NELL2: variants seen among roughly 807,000 people sequenced by gnomAD.
The protein encoded by NELL2 is neural EGFL like 2, also known as protein kinase C-binding protein NELL2.
A neutral mutation model predicts 109.6 loss-of-function variants in NELL2; 41 were observed. That is an observed-to-expected ratio of 0.37 (90% confidence interval 0.29 to 0.49). The LOEUF (loss-of-function observed/expected upper bound fraction) is 0.49. NELL2 is among the 20% of genes least tolerant of loss of function. The probability of loss-of-function intolerance (pLI) is 0.98; values close to 1 mark genes in which losing one functional copy is unlikely to be tolerated. For missense variants in NELL2, 900 were observed against 1,008.3 expected (o/e 0.89, Z 1.45); for synonymous variants, 355 against 344.7 (o/e 1.03, Z -0.33).
intron 15 of NELL2, among the ~76,000 whole-genome samples, chr12:44,569,893 A>C (rs1943798948): frequency 6.6e-6 from 1 of 152,196 alleles, no homozygotes; most frequent in African/African-American, 2.4e-5. Context: ...TACAATTTCC[A>C]GCCAGGGATT....
intron 15 of NELL2, among the ~76,000 whole-genome samples, chr12:44,535,168 G>A (rs1450020900): frequency 6.6e-6 from 1 of 151,874 alleles, no homozygotes; most frequent in South Asian, 2.1e-4. Context: ...TAAACTTTGG[G>A]CATTATCTTA....
intron 1 of NELL2, among the ~76,000 whole-genome samples, chr12:44,895,248 C>G (rs73089000): frequency 7.2e-4 from 109 of 152,250 alleles, no homozygotes; most frequent in Non-Finnish European, 1.5e-3. Context: ...GAGTGAGCAT[C>G]AGCTCTGGTC....
At chr12:44,511,131 C>A (rs561140965) in intron 19 of NELL2, among the ~76,000 whole-genome samples, 1 of 152,296 alleles carries the variant, frequency 6.6e-6, no homozygotes, top group South Asian at 2.1e-4. Context: ...TTTCTAAAAT[C>A]TTCCAGGAGT....
At chr12:44,861,533 G>A (rs978992643) in intron 2 of NELL2, among the ~76,000 whole-genome samples, 1 of 152,188 alleles carries the variant, frequency 6.6e-6, no homozygotes, top group African/African-American at 2.4e-5. Context: ...CCAGAAACAA[G>A]CAGCTGCAGC....
chr12:44,799,228 G>T lies in NELL2; in HGVS notation c.335+16758C>A, dbSNP rs569640847. Among the ~76,000 whole-genome samples, 4 of 152,098 alleles carry T rather than the reference G, an allele frequency of 2.6e-5. No individual in the cohort carries two copies. The East Asian group carries it at 7.7e-4, about 29-fold the overall frequency. ...CCATCTTGGCCTCCCAAAGTGCTGGGACTACAGGTGTGAGACACCGTGCCC... is the reference window on the plus strand; with the variant it reads ...CCATCTTGGCCTCCCAAAGTGCTGGTACTACAGGTGTGAGACACCGTGCCC... On this transcript the variant is annotated intron_variant, in intron 3 of 19. Coordinates refer to ENST00000429094, the MANE Select transcript of NELL2 (RefSeq NM_001145108.2).
At chr12:44,644,357 C>T (rs1049955448) in intron 13 of NELL2, among the ~76,000 whole-genome samples, 4 of 151,324 alleles carry the variant, frequency 2.6e-5, no homozygotes, top group Admixed American at 6.6e-5. Context: ...GGCAAGGTAA[C>T]GAAGAAATGG....
At chr12:44,583,398 C>T (rs1002197988) in intron 15 of NELL2, among the ~76,000 whole-genome samples, 3 of 152,104 alleles carry the variant, frequency 2.0e-5, no homozygotes, top group African/African-American at 7.2e-5. Context: ...GACACCACAC[C>T]CCGCCAACAC....
chr12:44,779,479 GA>G (rs140574572), intron 5 of NELL2, among the ~76,000 whole-genome samples, 183 bp downstream of exon 5: 2 of 151,906 alleles, frequency 1.3e-5, no homozygotes, highest in East Asian at 3.9e-4. Context: ...TAAACTCATT[GA>G]AAAAAGAAGA....
intron 3 of NELL2, among the ~76,000 whole-genome samples, chr12:44,811,507 A>G (rs1943179162): frequency 6.6e-6 from 1 of 152,048 alleles, no homozygotes; most frequent in African/African-American, 2.4e-5. Context: ...TACGTGCCGG[A>G]TTTGAACAAG....
chr12:44,588,528 G>A (rs974909656), intron 15 of NELL2, among the ~76,000 whole-genome samples: 13 of 152,272 alleles, frequency 8.5e-5, no homozygotes, highest in African/African-American at 2.2e-4. Context: ...GCCACAGTAC[G>A]CTGCAGATGG....
At chr12:44,906,974 C>T (rs564670973) in intron 1 of NELL2, among the ~76,000 whole-genome samples, 23 of 152,144 alleles carry the variant, frequency 1.5e-4, no homozygotes, top group East Asian at 5.8e-4. Context: ...GGGAGGGACC[C>T]GGTGGGAGGT....
At chr12:44,545,259 G>T (rs1419077741) in intron 15 of NELL2, among the ~76,000 whole-genome samples, 1 of 151,980 alleles carries the variant, frequency 6.6e-6, no homozygotes, top group East Asian at 1.9e-4. Context: ...CATAACCAAT[G>T]TGTAAGATAC....
intron 12 of NELL2, among the ~76,000 whole-genome samples, chr12:44,666,782 A>G (rs2136341853): frequency 6.6e-6 from 1 of 152,266 alleles, no homozygotes; most frequent in East Asian, 1.9e-4. Context: ...TGAGCCTACA[A>G]AATGTTTCCT....
At chr12:44,655,393 C>A (rs556771871) in intron 13 of NELL2, among the ~76,000 whole-genome samples, 1 of 152,186 alleles carries the variant, frequency 6.6e-6, no homozygotes, top group Non-Finnish European at 1.5e-5. Flanking sequence ...GTGCTTCCCC[C>A]ACTCACTGAC....
chr12:44,767,584 C>A (rs1312117549), intron 9 of NELL2, among the ~76,000 whole-genome samples: 1 of 152,074 alleles, frequency 6.6e-6, no homozygotes, highest in Non-Finnish European at 1.5e-5. Flanking sequence ...TGGCTTCCTG[C>A]AATATTATTT....
At chr12:44,800,945 C>T (rs1942807496) in intron 3 of NELL2, among the ~76,000 whole-genome samples, 1 of 152,096 alleles carries the variant, frequency 6.6e-6, no homozygotes, top group Non-Finnish European at 1.5e-5. Context: ...TCATGCCTCC[C>T]CTGTTGTTCA....
intron 13 of NELL2, among the ~76,000 whole-genome samples, chr12:44,636,734 C>T (rs540216327): frequency 6.6e-6 from 1 of 152,232 alleles, no homozygotes; most frequent in East Asian, 1.9e-4. Flanking sequence ...GGATATTGGT[C>T]TGAAATTTTC....
At chr12:44,757,271 A>T (rs564874871) in intron 9 of NELL2, among the ~76,000 whole-genome samples, 1 of 152,310 alleles carries the variant, frequency 6.6e-6, no homozygotes, top group East Asian at 1.9e-4. Context: ...GACTAGTATG[A>T]ATGCCCCTAA....
intron 2 of NELL2, 21 bp from the exon 3 acceptor site, chr12:44,816,157 T>C (rs377199321): frequency 8.4e-6 from 13 of 1,553,562 alleles, no homozygotes; most frequent in Non-Finnish European, 1.1e-5. Context: ...AACAAACATA[T>C]ACTAAGAATA....
Sources: gnomAD v4.1 joint callset for allele counts (sites outside exome capture counted in the v4.1 genomes callset) on GRCh38, gnomAD v4.1.1 for gene constraint, MANE v1.5 for transcripts, NCBI Gene and HGNC (gene_info 2026-07-23, HGNC 2026-07-21) for gene names.